ZNF674: variants seen among roughly 807,000 people sequenced by gnomAD.
The protein encoded by ZNF674 is zinc finger protein 674, also known as zinc finger family member 674.
Under a neutral mutation model 7.0 loss-of-function variants are expected in ZNF674, and 2 were observed. That is an observed-to-expected ratio of 0.29 (90% CI 0.12 to 0.90). ZNF674 has a LOEUF of 0.90. ZNF674 is among the 40% of genes least tolerant of loss of function. The pLI, the probability that ZNF674 is intolerant of heterozygous loss-of-function variation, is 0.57. For synonymous variants in ZNF674, 103 were observed against 145.2 expected, an observed-to-expected ratio of 0.71 and a Z score of 2.09; for missense variants, 297 against 415.5, an observed-to-expected ratio of 0.71 and a Z score of 2.48.
intron 5 of ZNF674, among the ~76,000 whole-genome samples, chrX:46,518,849 C>A (rs1941821247): frequency 9.4e-6 from 1 of 105,930 alleles, no homozygotes; most frequent in Non-Finnish European, 1.9e-5. Flanking sequence ...TCGCATCACG[C>A]CACTGCACTC....
chrX:46,508,476 G>A (rs1322033244), intron 5 of ZNF674, among the ~76,000 whole-genome samples: 2 of 112,064 alleles, frequency 1.8e-5, no homozygotes, highest in Non-Finnish European at 3.8e-5. Flanking sequence ...ATTTTTTAAA[G>A]TAGTTTTTTT....
At chrX:46,509,628 G>C (rs1260627043) in intron 5 of ZNF674, among the ~76,000 whole-genome samples, 1 of 98,596 alleles carries the variant, frequency 1.0e-5, no homozygotes, top group Non-Finnish European at 2.0e-5. Flanking sequence ...TCATTAAAAA[G>C]TCAGGAAACA....
Position 46,519,263 on chromosome X carries a change from T to TG in ZNF674, c.238+9086_238+9087insC, listed in dbSNP as rs1278973705. Among the ~76,000 whole-genome samples, 177 of 56,619 alleles carry TG rather than the reference T, an allele frequency of 3.1e-3. 1 individual carries two copies. Among genetic ancestry groups the TG allele is most frequent in the Admixed American group, 4.7e-3 (22 of 4,710 alleles). 49.2% of individuals were successfully genotyped at this position (56,619 alleles called of 115,157 possible). A position where few individuals can be genotyped will look rare whatever the true frequency, so the allele number is the denominator to read the frequency against. On this transcript the variant is annotated intron_variant, in intron 5 of 5. Transcript: ENST00000683375. ...ATAGATAGATAGATAGATAGATAGATAAAGATAGATGATAGATAGATAGAT... is the reference window on the plus strand; with the variant it reads ...ATAGATAGATAGATAGATAGATAGATGAAAGATAGATGATAGATAGATAGAT...
chrX:46,533,855 C>A (rs6609424), intron 3 of ZNF674, among the ~76,000 whole-genome samples: 1 of 55,332 alleles, frequency 1.8e-5, no homozygotes, highest in African/African-American at 8.4e-5. Context: ...TATATATATA[C>A]ACACACACAC....
At chrX:46,501,409 C>T in intron 5 of ZNF674, 74 bp from the exon 6 acceptor site, 1 of 1,028,662 alleles carries the variant, frequency 9.7e-7, no homozygotes. Flanking sequence ...CCCTAAATGC[C>T]CAAGCAGTGA....
At chrX:46,537,917 C>T (rs184248211) in intron 3 of ZNF674, among the ~76,000 whole-genome samples, 307 of 111,126 alleles carry the variant, frequency 2.8e-3, no homozygotes, top group African/African-American at 9.7e-3. Context: ...GGTGAAACCC[C>T]GTCTCTACTA....
chrX:46,509,063 G>A (rs1478957077), intron 5 of ZNF674, among the ~76,000 whole-genome samples: 1 of 109,468 alleles, frequency 9.1e-6, no homozygotes, highest in East Asian at 2.8e-4. Context: ...AATAAATGGT[G>A]CTGGGAAAAC....
intron 5 of ZNF674, chrX:46,523,140 T>C (rs746196965): frequency 7.2e-4 from 183 of 255,675 alleles, no homozygotes; most frequent in Middle Eastern, 3.1e-3. Flanking sequence ...CTCAAAGAAA[T>C]AGAAAATGAA....
intron 5 of ZNF674, among the ~76,000 whole-genome samples, chrX:46,501,684 G>GTA (rs1300810754): frequency 2.8e-5 from 3 of 108,819 alleles, no homozygotes; most frequent in Non-Finnish European, 5.7e-5. Flanking sequence ...GTGTGTGTGT[G>GTA]TGTATACATA....
chrX:46,544,964 T>C (rs1942352791), intron 1 of ZNF674, among the ~76,000 whole-genome samples: 1 of 111,178 alleles, frequency 9.0e-6, no homozygotes, highest in East Asian at 2.8e-4. Flanking sequence ...CTGGAAACAA[T>C]AAACATGATA....
At chrX:46,511,707 TC>T (rs747097964) in intron 5 of ZNF674, among the ~76,000 whole-genome samples, 328 of 112,223 alleles carry the variant, frequency 2.9e-3, no homozygotes, top group Non-Finnish European at 5.5e-3. Context: ...GCCTATTAGC[TC>T]TTAACAGCAT....
intron 3 of ZNF674, among the ~76,000 whole-genome samples, chrX:46,530,100 G>T (rs897722296): frequency 2.7e-5 from 3 of 111,515 alleles, no homozygotes; most frequent in African/African-American, 9.8e-5. Flanking sequence ...CTAATAACCC[G>T]CCTGTTTCTG....
intron 3 of ZNF674, among the ~76,000 whole-genome samples, chrX:46,536,958 G>A (rs1942210152): frequency 9.0e-6 from 1 of 111,536 alleles, no homozygotes; most frequent in African/African-American, 3.3e-5. Context: ...TCTATACTCT[G>A]GAACTGTCAT....
At chrX:46,542,741 C>T (rs184678354) in intron 2 of ZNF674, among the ~76,000 whole-genome samples, 2 of 110,581 alleles carry the variant, frequency 1.8e-5, no homozygotes, top group Admixed American at 9.7e-5. Context: ...AAAAAATCTT[C>T]GAAGCAACTA....
chrX:46,524,698 GAAAAAAAA>G (rs566678084), intron 5 of ZNF674, among the ~76,000 whole-genome samples: 1 of 75,644 alleles, frequency 1.3e-5, no homozygotes, highest in Non-Finnish European at 2.6e-5. Flanking sequence ...AAGAAAAAAA[GAAAAAAAA>G]AAAAAAGAAA....
intron 5 of ZNF674, among the ~76,000 whole-genome samples, chrX:46,505,843 C>G (rs763796600): frequency 9.0e-6 from 1 of 111,005 alleles, no homozygotes; most frequent in African/African-American, 3.3e-5. Flanking sequence ...GGTCATGGTT[C>G]ACTTGGCACT....
rs1323189310 is a variant in ZNF674, at chrX:46,504,038, CA to C, written c.239-2704del. On this transcript the variant is annotated intron_variant, in intron 5 of 5. Coordinates refer to ENST00000683375, the MANE Select transcript of ZNF674 (RefSeq NM_001190417.2). ...TGGGTGACAAAGTAAGACCCTGTCT[CA>C]AAAAAAAAATACACACATGTGCACA... Among the ~76,000 whole-genome samples the C allele has an allele frequency of 6.3e-3, 662 of 105,538 alleles. 8 individuals carry two copies. The highest frequency in any genetic ancestry group is 0.022 in the African/African-American group (626 of 28,876). 91.6% of individuals were successfully genotyped at this position (105,538 alleles called of 115,157 possible).
At chrX:46,544,097 G>A (rs1942337304) in intron 2 of ZNF674, among the ~76,000 whole-genome samples, 2 of 112,440 alleles carry the variant, frequency 1.8e-5, no homozygotes, top group South Asian at 3.6e-4. Flanking sequence ...GCCTCATCCC[G>A]CCTTTGCAGG....
At position 46,510,598 on chromosome X, in the gene ZNF674, G is replaced by A. The variant is rs138243882; in HGVS notation, c.239-9263C>T. Among the ~76,000 whole-genome samples the A allele has an allele frequency of 6.5e-3, 725 of 111,847 alleles. 9 individuals carry two copies. Among genetic ancestry groups the A allele is most frequent in the African/African-American group, 0.022 (693 of 30,821 alleles). The stretch of plus-strand genomic sequence containing the variant: ...GAGGCCAGGAGTTCAAGACCAGCCT[G>A]GCCAACACGGTGAAACCCCATCTCT... On this transcript the variant is annotated intron_variant, in intron 5 of 5. Coordinates refer to ENST00000683375, the MANE Select transcript of ZNF674 (RefSeq NM_001190417.2).
Sources: gnomAD v4.1 joint callset for allele counts (sites outside exome capture counted in the v4.1 genomes callset) on GRCh38, gnomAD v4.1.1 for gene constraint, MANE v1.5 for transcripts, NCBI Gene and HGNC (gene_info 2026-07-23, HGNC 2026-07-21) for gene names.